The following DDC variants were observed in gnomAD, a reference collection of about 807,000 sequenced individuals.
The protein encoded by DDC is aromatic-L-amino-acid decarboxylase.
A neutral mutation model predicts 60.0 loss-of-function variants in DDC; 43 were observed. That is an observed-to-expected ratio of 0.72 (90% CI 0.56 to 0.92). The LOEUF (loss-of-function observed/expected upper bound fraction) is 0.92. Ranked by LOEUF, DDC falls within the 40% of genes least tolerant of loss-of-function variation. The pLI is 0.00. For synonymous variants in DDC, 232 were observed against 234.6 expected, an observed-to-expected ratio of 0.99 and a Z score of 0.10; for missense variants, 573 against 620.2, an observed-to-expected ratio of 0.92 and a Z score of 0.81.
chr7:50,505,728 C>G (rs1426344150), intron 6 of DDC, among the ~76,000 whole-genome samples: 1 of 152,224 alleles, frequency 6.6e-6, no homozygotes, highest in Non-Finnish European at 1.5e-5. Context: ...TGCTCAGGGA[C>G]CAGAGTTTTC....
At chr7:50,563,563 A>G (rs2045382402) in intron 1 of DDC, among the ~76,000 whole-genome samples, 1 of 152,134 alleles carries the variant, frequency 6.6e-6, no homozygotes, top group Non-Finnish European at 1.5e-5. Flanking sequence ...AAACTGCAAC[A>G]TATTCTTGGC....
At chr7:50,463,163 C>G in intron 14 of DDC, 50 bp downstream of exon 14, 1 of 1,487,236 alleles carries the variant, frequency 6.7e-7, no homozygotes, top group Non-Finnish European at 9.2e-7. Flanking sequence ...GGAGGACACT[C>G]TTGCCACGGG....
chr7:50,508,801 C>A (rs1379249873), intron 6 of DDC, among the ~76,000 whole-genome samples: 2 of 152,194 alleles, frequency 1.3e-5, no homozygotes, highest in Non-Finnish European at 2.9e-5. Flanking sequence ...CAGGCTCCAA[C>A]CCCTCTCCTA....
intron 1 of DDC, among the ~76,000 whole-genome samples, chr7:50,545,595 C>T (rs2044776004): frequency 6.6e-6 from 1 of 152,186 alleles, no homozygotes; most frequent in African/African-American, 2.4e-5. Flanking sequence ...GCCTCAGTCT[C>T]CTGAGTAGCT....
intron 9 of DDC, chr7:50,493,011 G>A (rs750756981): frequency 6.3e-7 from 1 of 1,594,658 alleles, no homozygotes; most frequent in African/African-American, 1.3e-5. Context: ...TGGACCTGAG[G>A]GCAGGACGCC....
intron 14 of DDC, among the ~76,000 whole-genome samples, chr7:50,459,176 C>G (rs2042191531): frequency 6.6e-6 from 1 of 152,262 alleles, no homozygotes; most frequent in African/African-American, 2.4e-5. Flanking sequence ...CCGGGCTGGT[C>G]TCCAGCTCCA....
At chr7:50,517,825 T>TAAAAAA (rs59421951) in intron 6 of DDC, among the ~76,000 whole-genome samples, 2 of 76,192 alleles carry the variant, frequency 2.6e-5, no homozygotes, top group Admixed American at 1.4e-4. Flanking sequence ...TTATAATAGC[T>TAAAAAA]AAAAAAAAAA....
At chr7:50,510,010 G>C (rs2043505793) in intron 6 of DDC, among the ~76,000 whole-genome samples, 1 of 150,684 alleles carries the variant, frequency 6.6e-6, no homozygotes, top group Non-Finnish European at 1.5e-5. Context: ...TCACTCTGCT[G>C]CCCAGGCTGG....
intron 10 of DDC, chr7:50,477,536 C>T (rs1319407062): frequency 2.2e-6 from 1 of 456,866 alleles, no homozygotes; most frequent in Admixed American, 2.3e-5. Context: ...CCTAATACAA[C>T]CCACGCCCCA....
intron 6 of DDC, among the ~76,000 whole-genome samples, chr7:50,511,137 A>G (rs2043565276): frequency 1.3e-5 from 2 of 151,210 alleles, no homozygotes; most frequent in South Asian, 2.1e-4. Context: ...AATTTTATGA[A>G]TACATAAAAT....
intron 6 of DDC, among the ~76,000 whole-genome samples, chr7:50,515,177 C>T (rs527563912): frequency 6.6e-6 from 1 of 152,182 alleles, no homozygotes. Flanking sequence ...AGGTTACCTA[C>T]AAAGAAAACC....
chr7:50,522,677 C>A (rs2043928195), intron 6 of DDC, among the ~76,000 whole-genome samples: 1 of 152,200 alleles, frequency 6.6e-6, no homozygotes, highest in Admixed American at 6.5e-5. Context: ...ACAAAAGGTG[C>A]TGGAACAACT....
At chr7:50,542,695 C>T (rs528662304) in intron 2 of DDC, 4 of 152,440 alleles carry the variant, frequency 2.6e-5, no homozygotes, top group African/African-American at 9.6e-5. Flanking sequence ...TTAGCCACAC[C>T]TCTCCCAAAG....
chr7:50,545,704 C>T (rs925679741), intron 1 of DDC, among the ~76,000 whole-genome samples: 22 of 152,336 alleles, frequency 1.4e-4, no homozygotes, highest in African/African-American at 5.3e-4. Flanking sequence ...AACTCCTGAC[C>T]TCTGGTGATC....
At chr7:50,482,915 T>C (rs932233137) in intron 9 of DDC, among the ~76,000 whole-genome samples, 4 of 152,234 alleles carry the variant, frequency 2.6e-5, no homozygotes, top group Non-Finnish European at 5.9e-5. Context: ...AATAATACTT[T>C]GAGGATTCTC....
At chr7:50,528,918 C>T (rs997562420) in intron 5 of DDC, among the ~76,000 whole-genome samples, 1 of 152,158 alleles carries the variant, frequency 6.6e-6, no homozygotes, top group African/African-American at 2.4e-5. Context: ...TCTAGTTTCT[C>T]TGCAATGGTG....
intron 6 of DDC, 177 bp downstream of exon 6, chr7:50,527,960 G>C (rs968055183): frequency 2.6e-5 from 16 of 614,434 alleles, no homozygotes; most frequent in Non-Finnish European, 3.6e-5. Context: ...GCAGCGGCGC[G>C]ATCTCGGCTC....
intron 9 of DDC, among the ~76,000 whole-genome samples, chr7:50,485,323 C>T (rs577991708): frequency 6.6e-6 from 1 of 152,276 alleles, no homozygotes; most frequent in African/African-American, 2.4e-5. Context: ...ATAATTATTT[C>T]ATTATAAAAT....
intron 9 of DDC, among the ~76,000 whole-genome samples, chr7:50,481,072 T>C (rs2042757801): frequency 6.6e-6 from 1 of 152,142 alleles, no homozygotes; most frequent in Admixed American, 6.5e-5. Context: ...GACAGTAGCT[T>C]AGGCTTGAAA....
Sources: gnomAD v4.1 joint callset for allele counts (sites outside exome capture counted in the v4.1 genomes callset) on GRCh38, gnomAD v4.1.1 for gene constraint, MANE v1.5 for transcripts, NCBI Gene and HGNC (gene_info 2026-07-23, HGNC 2026-07-21) for gene names.